Variants in ANKH observed in about 807,000 individuals in gnomAD.
ANKH encodes mineralization regulator ANKH.
Under a neutral mutation model 49.0 loss-of-function variants are expected in ANKH, and 15 were observed. The ratio of observed to expected loss-of-function variants is 0.31; its 90% confidence interval spans 0.20 to 0.47. The LOEUF (loss-of-function observed/expected upper bound fraction) is 0.47. Ranked by LOEUF, ANKH falls within the 20% of genes least tolerant of loss-of-function variation. The pLI is 1.00. For missense variants in ANKH, 429 were observed against 652.0 expected, an observed-to-expected ratio of 0.66 and a Z score of 3.72; for synonymous variants, 273 against 260.0, an observed-to-expected ratio of 1.05 and a Z score of -0.48.
At chr5:14,854,860 A>C (rs1265234884) in intron 1 of ANKH, among the ~76,000 whole-genome samples, 2 of 152,120 alleles carry the variant, frequency 1.3e-5, no homozygotes, top group African/African-American at 4.8e-5. Flanking sequence ...TTGCCAGAAT[A>C]GCCTCTTAAC....
chr5:14,836,151 A>G (rs559019659), intron 1 of ANKH, among the ~76,000 whole-genome samples: 1 of 152,312 alleles, frequency 6.6e-6, no homozygotes, highest in East Asian at 1.9e-4. Flanking sequence ...ACAAACCCAC[A>G]GCCAATATCA....
At chr5:14,843,549 GAAAAAA>G (rs60487783) in intron 1 of ANKH, among the ~76,000 whole-genome samples, 3 of 61,034 alleles carry the variant, frequency 4.9e-5, no homozygotes, top group Admixed American at 2.2e-4. Context: ...GGGGATTAGC[GAAAAAA>G]AAAAAAAAAA....
intron 8 of ANKH, among the ~76,000 whole-genome samples, chr5:14,718,425 G>C (rs1737554149): frequency 6.6e-6 from 1 of 151,018 alleles, no homozygotes; most frequent in African/African-American, 2.4e-5. Context: ...AAAGAGAGAA[G>C]GGAAAAAAAA....
chr5:14,848,521 G>GC (rs1371387784), intron 1 of ANKH, among the ~76,000 whole-genome samples: 1 of 152,088 alleles, frequency 6.6e-6, no homozygotes, highest in Non-Finnish European at 1.5e-5. Flanking sequence ...GCTTTTGCTC[G>GC]CCGTCCGGCA....
intron 1 of ANKH, among the ~76,000 whole-genome samples, chr5:14,849,443 G>A (rs1469831346): frequency 1.3e-5 from 2 of 152,098 alleles, no homozygotes; most frequent in African/African-American, 4.8e-5. Flanking sequence ...AAATTATTAC[G>A]GGTTCTTAAA....
chr5:14,812,350 C>T (rs750035156), intron 1 of ANKH, among the ~76,000 whole-genome samples: 1 of 152,198 alleles, frequency 6.6e-6, no homozygotes, highest in Non-Finnish European at 1.5e-5. Context: ...CACCTGTTAA[C>T]GCACTGGCTG....
chr5:14,825,451 A>G (rs997208275), intron 1 of ANKH, among the ~76,000 whole-genome samples: 1 of 152,204 alleles, frequency 6.6e-6, no homozygotes, highest in Non-Finnish European at 1.5e-5. Flanking sequence ...TCTTGGGCTC[A>G]AGCAATCCTC....
chr5:14,787,969 A>C (rs960116233), intron 1 of ANKH: 1 of 152,176 alleles, frequency 6.6e-6, no homozygotes, highest in Non-Finnish European at 1.5e-5. Flanking sequence ...GCCCTTCATG[A>C]CCTACTTCCC....
At chr5:14,740,753 G>A (rs1316103681) in intron 8 of ANKH, among the ~76,000 whole-genome samples, 3 of 152,188 alleles carry the variant, frequency 2.0e-5, no homozygotes, top group African/African-American at 7.2e-5. Flanking sequence ...CACTAACAGA[G>A]CTCATCAAGC....
At chr5:14,825,603 T>A (rs928834314) in intron 1 of ANKH, among the ~76,000 whole-genome samples, 2 of 152,204 alleles carry the variant, frequency 1.3e-5, no homozygotes, top group African/African-American at 4.8e-5. Context: ...TCCTCCTGCA[T>A]CAGCCTCTCA....
At chr5:14,783,785 A>T (rs764633831) in intron 1 of ANKH, among the ~76,000 whole-genome samples, 53 of 152,350 alleles carry the variant, frequency 3.5e-4, no homozygotes, top group African/African-American at 1.2e-3. Flanking sequence ...AAAATTGCTA[A>T]AGATGGGAAA....
Position 14,722,585 on chromosome 5 carries a change from C to T in ANKH, c.1012-5750G>A, listed in dbSNP as rs762916592. Among the ~76,000 whole-genome samples the T allele has an allele frequency of 5.9e-5, 9 of 152,128 alleles. No homozygotes were observed. The South Asian group carries it at 8.3e-4, about 14-fold the overall frequency. ...ACAGAAGCCAGGCAGAAGGAGCTTC[C>T]GAATGGCCAAAGCAAAAACAATTTG... On this transcript the variant is annotated intron_variant, in intron 8 of 11. Transcript: ENST00000284268.
At chr5:14,838,626 G>A (rs1741729370) in intron 1 of ANKH, among the ~76,000 whole-genome samples, 2 of 152,176 alleles carry the variant, frequency 1.3e-5, no homozygotes, top group Admixed American at 1.3e-4. Context: ...CCAGAGAGGA[G>A]GCAGAGGATG....
At chr5:14,767,417 C>T (rs4701617) in intron 2 of ANKH, among the ~76,000 whole-genome samples, 14,117 of 152,174 alleles carry the variant, frequency 0.093, 715 homozygotes, top group Admixed American at 0.11. Context: ...TGGAAAAATG[C>T]TGTGATTGCA....
intron 1 of ANKH, among the ~76,000 whole-genome samples, chr5:14,805,248 G>A (rs549054586): frequency 6.6e-6 from 1 of 151,658 alleles, no homozygotes; most frequent in African/African-American, 2.4e-5. Flanking sequence ...TCCTGCCCTC[G>A]AACATCAGAC....
intron 1 of ANKH, among the ~76,000 whole-genome samples, chr5:14,809,337 A>AT: frequency 2.1e-5 from 1 of 47,166 alleles, no homozygotes. Context: ...GAGTATAATA[A>AT]AAAAAAAAAA....
intron 1 of ANKH, among the ~76,000 whole-genome samples, chr5:14,789,140 A>C (rs1276291617): frequency 6.6e-6 from 1 of 152,154 alleles, no homozygotes; most frequent in African/African-American, 2.4e-5. Flanking sequence ...AGGCAGGAGA[A>C]TCGCTTGAAC....
chr5:14,822,758 C>T (rs535742780), intron 1 of ANKH, among the ~76,000 whole-genome samples: 17 of 152,280 alleles, frequency 1.1e-4, no homozygotes, highest in South Asian at 4.1e-4. Flanking sequence ...TTACTAATAC[C>T]GTAATTGGCT....
intron 1 of ANKH, among the ~76,000 whole-genome samples, chr5:14,807,113 C>CTTT (rs35180875): frequency 4.7e-5 from 6 of 127,698 alleles, no homozygotes; most frequent in Middle Eastern, 4.0e-3. Flanking sequence ...CATGATATTT[C>CTTT]TTTTTTTTTT....
Sources: gnomAD v4.1 joint callset for allele counts (sites outside exome capture counted in the v4.1 genomes callset) on GRCh38, gnomAD v4.1.1 for gene constraint, MANE v1.5 for transcripts, NCBI Gene and HGNC (gene_info 2026-07-23, HGNC 2026-07-21) for gene names.